The following PIK3C2G variants were observed in gnomAD, a reference collection of about 807,000 sequenced individuals.
PIK3C2G encodes the protein phosphatidylinositol 3-kinase C2 domain-containing subunit gamma.
Under a neutral mutation model 181.1 loss-of-function variants are expected in PIK3C2G, and 168 were observed. The observed-to-expected ratio is 0.93, with a 90% CI of 0.82 to 1.05. PIK3C2G has a LOEUF of 1.05. PIK3C2G is among the 50% of genes least tolerant of loss of function. The pLI, the probability that PIK3C2G is intolerant of heterozygous loss-of-function variation, is 0.00. For missense variants in PIK3C2G, 1,869 were observed against 1,732.8 expected (o/e 1.08, Z -1.40); for synonymous variants, 573 against 592.2 (o/e 0.97, Z 0.47).
chr12:18,267,963 C>T (rs1313193302), intron 1 of PIK3C2G, among the ~76,000 whole-genome samples: 3 of 152,152 alleles, frequency 2.0e-5, no homozygotes, highest in Non-Finnish European at 2.9e-5. Flanking sequence ...AGCTAAGTGG[C>T]CATGTGGCCC....
At chr12:18,515,592 A>G (rs1942486554) in intron 24 of PIK3C2G, among the ~76,000 whole-genome samples, 1 of 151,946 alleles carries the variant, frequency 6.6e-6, no homozygotes, top group Non-Finnish European at 1.5e-5. Flanking sequence ...CTTTGATTTT[A>G]CTTGTCTTTG....
At chr12:18,640,825 T>C (rs1275477146) in intron 32 of PIK3C2G, among the ~76,000 whole-genome samples, 1 of 152,182 alleles carries the variant, frequency 6.6e-6, no homozygotes, top group Non-Finnish European at 1.5e-5. Flanking sequence ...ACTAACTTTA[T>C]TCCTGACTTC....
the PIK3C2G span, chr12:18,693,755 G>A: frequency 6.6e-7 from 1 of 1,519,552 alleles, no homozygotes; most frequent in Non-Finnish European, 9.1e-7. Flanking sequence ...AGATGTGAAA[G>A]CTATCATGGC....
intron 31 of PIK3C2G, among the ~76,000 whole-genome samples, chr12:18,639,696 G>A (rs966808660): frequency 6.6e-6 from 1 of 152,080 alleles, no homozygotes; most frequent in African/African-American, 2.4e-5. Flanking sequence ...GATGGAAAAG[G>A]TGGAAACAAG....
intron 30 of PIK3C2G, among the ~76,000 whole-genome samples, chr12:18,608,543 A>C: frequency 8.8e-6 from 1 of 113,920 alleles, no homozygotes; most frequent in Non-Finnish European, 1.7e-5. Flanking sequence ...AGCATCACAC[A>C]CTGGGGCCTG....
At chr12:18,559,196 A>G (rs1407770368) in intron 26 of PIK3C2G, among the ~76,000 whole-genome samples, 1 of 152,236 alleles carries the variant, frequency 6.6e-6, no homozygotes, top group African/African-American at 2.4e-5. Flanking sequence ...CTTGAATTAT[A>G]TATGCTAAAA....
chr12:18,596,985 T>C (rs1947401505), intron 30 of PIK3C2G, among the ~76,000 whole-genome samples: 1 of 152,116 alleles, frequency 6.6e-6, no homozygotes, highest in Non-Finnish European at 1.5e-5. Context: ...TTTTGCTATG[T>C]TGTATGACCT....
intron 18 of PIK3C2G, among the ~76,000 whole-genome samples, chr12:18,425,958 G>T (rs1436605886): frequency 6.6e-6 from 1 of 152,100 alleles, no homozygotes; most frequent in Non-Finnish European, 1.5e-5. Flanking sequence ...AATGCTAGTG[G>T]TTTGTCCTTT....
intron 26 of PIK3C2G, among the ~76,000 whole-genome samples, chr12:18,554,236 G>A (rs1444144786): frequency 6.6e-6 from 1 of 152,002 alleles, no homozygotes; most frequent in Non-Finnish European, 1.5e-5. Context: ...GTGGAAAAAA[G>A]TTCTGCATAT....
chr12:18,437,468 C>A (rs1377844933), intron 18 of PIK3C2G, among the ~76,000 whole-genome samples: 1 of 151,904 alleles, frequency 6.6e-6, no homozygotes, highest in Non-Finnish European at 1.5e-5. Flanking sequence ...ACAGCTTCCA[C>A]AAATAGTGAC....
intron 29 of PIK3C2G, among the ~76,000 whole-genome samples, chr12:18,591,950 G>A (rs1415615186): frequency 6.6e-6 from 1 of 151,834 alleles, no homozygotes; most frequent in Non-Finnish European, 1.5e-5. Flanking sequence ...ACAGGATTTA[G>A]CAATTAATTT....
At chr12:18,725,303 A>C in the PIK3C2G span, among the ~76,000 whole-genome samples, 3 of 152,138 alleles carry the variant, frequency 2.0e-5, no homozygotes, top group Admixed American at 6.5e-5. Context: ...GAAGAAAAGC[A>C]ATAAGAAAGA....
At chr12:18,486,538 T>G (rs905058993) in intron 18 of PIK3C2G, among the ~76,000 whole-genome samples, 19 of 152,130 alleles carry the variant, frequency 1.2e-4, no homozygotes, top group African/African-American at 4.6e-4. Context: ...TATTATTTCT[T>G]TAATTATTTT....
At position 18,282,556 on chromosome 12, in the gene PIK3C2G, G is replaced by A. The variant is rs760928254; in HGVS notation, c.475G>A (p.Glu159Lys). 11 of 1,611,208 alleles carry A rather than the reference G, an allele frequency of 6.8e-6. No homozygotes were observed. Among genetic ancestry groups the A allele is most frequent in the Middle Eastern group, 1.7e-4 (1 of 6,058 alleles). Residue 159 changes from glutamate (E) to lysine (K), a missense_variant, in exon 2 of 33, where the codon GAA becomes AAA. By Grantham distance (56) the Glu-to-Lys change is moderately conservative (BLOSUM62 1). Coordinates refer to ENST00000538779, the MANE Select transcript of PIK3C2G (RefSeq NM_001288772.2). Reference protein sequence around the residue: ...TSLDKINLEKELENENHNYHI... With the variant: ...TSLDKINLEKKLENENHNYHI... ...TTTGGATAAAATTAATCTAGAGAAA[G>A]AATTAGAAAATGAAAATCATAACTA...
intron 28 of PIK3C2G, among the ~76,000 whole-genome samples, chr12:18,565,097 C>G (rs1945559517): frequency 6.6e-6 from 1 of 152,150 alleles, no homozygotes; most frequent in Non-Finnish European, 1.5e-5. Flanking sequence ...TCCCTGAACA[C>G]TGTTTGCATG....
At chr12:18,478,039 A>G (rs2136006046) in intron 18 of PIK3C2G, among the ~76,000 whole-genome samples, 1 of 152,304 alleles carries the variant, frequency 6.6e-6, no homozygotes, top group East Asian at 1.9e-4. Context: ...TTGCTGTTAA[A>G]AGAAATTTTG....
the PIK3C2G span, chr12:18,714,627 A>G: frequency 2.0e-5 from 3 of 152,184 alleles, no homozygotes; most frequent in South Asian, 4.1e-4. Context: ...ATATTTTTCC[A>G]TAGAAAACCA....
chr12:18,563,970 ATATT>A (rs1223009531), intron 28 of PIK3C2G, among the ~76,000 whole-genome samples: 3 of 150,176 alleles, frequency 2.0e-5, no homozygotes, highest in Admixed American at 1.3e-4. Flanking sequence ...TGCTTATTAT[ATATT>A]TAATTTCAAT....
At chr12:18,692,735 G>A in the PIK3C2G span, 3 of 937,934 alleles carry the variant, frequency 3.2e-6, no homozygotes, top group South Asian at 4.2e-5. Context: ...AAGAAAAAAT[G>A]TTAAAAGCTC....
Sources: allele counts gnomAD v4.1 joint callset (sites outside exome capture counted in the v4.1 genomes callset), GRCh38; gene constraint gnomAD v4.1.1; transcripts MANE v1.5; gene names NCBI Gene and HGNC (gene_info 2026-07-23, HGNC 2026-07-21).